Variants in C12orf42 observed in about 807,000 individuals in gnomAD.
The protein encoded by C12orf42 is uncharacterized protein C12orf42.
C12orf42 carries 25 observed loss-of-function variants against 21.6 expected under a neutral mutation model. The observed-to-expected ratio is 1.16, with a 90% CI of 0.84 to 1.62. The LOEUF (loss-of-function observed/expected upper bound fraction) is 1.62, where lower values mean the gene tolerates loss of function less well. Ranked by LOEUF, C12orf42 falls within the 40% of genes most tolerant of loss-of-function variation. C12orf42 has a pLI of 0.00. For missense variants in C12orf42, 483 were observed against 459.3 expected, an observed-to-expected ratio of 1.05 and a Z score of -0.47; for synonymous variants, 174 against 175.0, an observed-to-expected ratio of 0.99 and a Z score of 0.05.
chr12:103,414,509 T>A (rs1462978764), intron 2 of C12orf42, among the ~76,000 whole-genome samples: 1 of 152,204 alleles, frequency 6.6e-6, no homozygotes, highest in African/African-American at 2.4e-5. Context: ...TTATATTGAT[T>A]CTTTCAATCT....
intron 4 of C12orf42, among the ~76,000 whole-genome samples, chr12:103,364,994 C>A (rs552282767): frequency 6.6e-6 from 1 of 151,922 alleles, no homozygotes; most frequent in Admixed American, 6.6e-5. Flanking sequence ...GCCAGTAGCA[C>A]CCTAATATGA....
chr12:103,091,448 C>A, the C12orf42 span, among the ~76,000 whole-genome samples: 1 of 151,582 alleles, frequency 6.6e-6, no homozygotes, highest in Non-Finnish European at 1.5e-5. Context: ...TCTTGTCGTT[C>A]TCCTCATTTT....
the C12orf42 span, among the ~76,000 whole-genome samples, chr12:103,146,392 A>T: frequency 6.6e-6 from 1 of 151,024 alleles, no homozygotes; most frequent in Non-Finnish European, 1.5e-5. Context: ...AGGTGGGAGG[A>T]TCCCTTGAAC....
chr12:103,317,013 T>C (rs560402924), intron 4 of C12orf42, among the ~76,000 whole-genome samples: 25 of 152,302 alleles, frequency 1.6e-4, no homozygotes, highest in African/African-American at 5.8e-4. Context: ...ATTCCAGCTC[T>C]AGTCACCACA....
At chr12:103,123,292 G>C in the C12orf42 span, among the ~76,000 whole-genome samples, 1 of 152,158 alleles carries the variant, frequency 6.6e-6, no homozygotes, top group Non-Finnish European at 1.5e-5. Context: ...GGTAGGGAGT[G>C]CTGAAGGCTT....
intron 2 of C12orf42, among the ~76,000 whole-genome samples, chr12:103,468,947 C>T (rs149000656): frequency 1.5e-4 from 23 of 152,330 alleles, no homozygotes; most frequent in African/African-American, 5.1e-4. Context: ...TAAAATCTAG[C>T]TAATAGCCTT....
chr12:103,306,181 A>T lies in C12orf42; in HGVS notation c.424T>A (p.Leu142Met), dbSNP rs754063412. 1 of 1,613,908 alleles carries T rather than the reference A, an allele frequency of 6.2e-7. No homozygotes were observed. The highest frequency in any genetic ancestry group is 1.1e-5 in the South Asian group (1 of 91,078). The stretch of plus-strand genomic sequence containing the variant: ...GTTTCTCCTCTGGCAGTAAAAATCA[A>T]TGGGGCCTCATCAGTTTCACTGGAT... ...APSSETDEAP[L>M]IFTARGETEE... Residue 142 changes from leucine to methionine, a missense_variant, in exon 5 of 6, where the codon TTG becomes ATG. Transcript: ENST00000548883.
intron 1 of C12orf42, among the ~76,000 whole-genome samples, chr12:103,479,009 CT>C (rs1003277731): frequency 7.2e-5 from 11 of 152,158 alleles, no homozygotes; most frequent in African/African-American, 2.2e-4. Flanking sequence ...GAGTTTTCGT[CT>C]TATTGCACTA....
the C12orf42 span, among the ~76,000 whole-genome samples, chr12:103,229,526 C>T: frequency 6.6e-5 from 10 of 152,268 alleles, no homozygotes; most frequent in South Asian, 1.9e-3. Context: ...CTTGGGTATA[C>T]ATTAGTCTAG....
intron 3 of C12orf42, among the ~76,000 whole-genome samples, chr12:103,383,132 TTTTC>T (rs1362957972): frequency 6.6e-6 from 1 of 152,120 alleles, no homozygotes; most frequent in Non-Finnish European, 1.5e-5. Flanking sequence ...CTTTTTTTTT[TTTTC>T]TTTTTTTGAG....
intron 10 of C12orf42, among the ~76,000 whole-genome samples, chr12:103,252,622 C>T (rs150210532): frequency 6.6e-6 from 1 of 152,284 alleles, no homozygotes; most frequent in African/African-American, 2.4e-5. Flanking sequence ...ATGTCCTTTG[C>T]CCACTTTTTG....
chr12:103,208,782 T>C, the C12orf42 span, among the ~76,000 whole-genome samples: 2 of 152,188 alleles, frequency 1.3e-5, no homozygotes, highest in Admixed American at 1.3e-4. Context: ...TTTTTGTTAT[T>C]TTTGCTCAGT....
At chr12:103,049,764 T>C in the C12orf42 span, among the ~76,000 whole-genome samples, 401 of 152,324 alleles carry the variant, frequency 2.6e-3, 1 homozygote, top group African/African-American at 9.3e-3. Context: ...TTGCACGTGC[T>C]GTTTCCTCTG....
the C12orf42 span, among the ~76,000 whole-genome samples, chr12:103,225,047 G>A: frequency 5.3e-5 from 8 of 152,294 alleles, no homozygotes; most frequent in East Asian, 3.9e-4. Context: ...GAAGCCTTGC[G>A]GCAGTACAGC....
chr12:103,155,337 A>AT, the C12orf42 span: 1 of 152,096 alleles, frequency 6.6e-6, no homozygotes, highest in Non-Finnish European at 1.5e-5. Context: ...GGAATGTCAC[A>AT]TTTTTGTGGT....
intron 3 of C12orf42, chr12:103,397,637 A>G (rs886564488): frequency 1.2e-4 from 18 of 152,188 alleles, no homozygotes; most frequent in African/African-American, 4.3e-4. Flanking sequence ...TGATGGCAAA[A>G]ATGTTGGGGA....
intron 4 of C12orf42, among the ~76,000 whole-genome samples, chr12:103,315,315 T>C (rs2039352631): frequency 6.6e-6 from 1 of 152,186 alleles, no homozygotes; most frequent in African/African-American, 2.4e-5. Context: ...GATCAATATG[T>C]GCTCTAACAG....
At chr12:103,433,262 A>G (rs1009724575) in intron 2 of C12orf42, among the ~76,000 whole-genome samples, 2 of 152,298 alleles carry the variant, frequency 1.3e-5, no homozygotes, top group Admixed American at 6.5e-5. Context: ...TGATGAAAAA[A>G]CGTTTTTCTT....
chr12:103,321,939 A>G (rs1277580533), intron 4 of C12orf42, among the ~76,000 whole-genome samples: 1 of 152,042 alleles, frequency 6.6e-6, no homozygotes, highest in African/African-American at 2.4e-5. Flanking sequence ...TGGGTGCAGC[A>G]CACCAGCGTG....
Sources: allele counts gnomAD v4.1 joint callset (sites outside exome capture counted in the v4.1 genomes callset), GRCh38; gene constraint gnomAD v4.1.1; transcripts MANE v1.5; gene names NCBI Gene and HGNC (gene_info 2026-07-23, HGNC 2026-07-21).